The following NDST3 variants were observed in gnomAD, a reference collection of about 807,000 sequenced individuals.
NDST3 encodes the protein N-deacetylase and N-sulfotransferase 3.
NDST3 carries 58 observed loss-of-function variants against 96.1 expected under a neutral mutation model. That is an observed-to-expected ratio of 0.60 (90% CI 0.49 to 0.75). The LOEUF (loss-of-function observed/expected upper bound fraction) is 0.75. NDST3 is among the 30% of genes least tolerant of loss of function. The pLI is 0.00. For missense variants in NDST3, 788 were observed against 1,034.2 expected, an observed-to-expected ratio of 0.76 and a Z score of 3.27; for synonymous variants, 333 against 359.7, an observed-to-expected ratio of 0.93 and a Z score of 0.84.
At chr4:118,069,273 T>A (rs1726848464) in intron 2 of NDST3, among the ~76,000 whole-genome samples, 1 of 152,036 alleles carries the variant, frequency 6.6e-6, no homozygotes, top group South Asian at 2.1e-4. Context: ...ATACTTCAGG[T>A]TTAATTGAAT....
At chr4:118,145,454 A>G (rs1733871861) in intron 6 of NDST3, among the ~76,000 whole-genome samples, 1 of 152,240 alleles carries the variant, frequency 6.6e-6, no homozygotes, top group South Asian at 2.1e-4. Context: ...TTTAGTGTGG[A>G]AGAAATTCAA....
intron 6 of NDST3, among the ~76,000 whole-genome samples, chr4:118,212,799 A>C (rs1333657982): frequency 6.6e-6 from 1 of 152,210 alleles, no homozygotes; most frequent in African/African-American, 2.4e-5. Flanking sequence ...CTCAGAATAG[A>C]TCAAATAATT....
chr4:118,142,118 A>T (rs1376591451), intron 5 of NDST3, among the ~76,000 whole-genome samples: 2 of 152,068 alleles, frequency 1.3e-5, no homozygotes, highest in South Asian at 4.1e-4. Flanking sequence ...ATTTGCATTT[A>T]GTTGTTTTTT....
At chr4:118,150,519 T>A (rs1303755373) in intron 6 of NDST3, among the ~76,000 whole-genome samples, 16 of 151,060 alleles carry the variant, frequency 1.1e-4, no homozygotes, top group Admixed American at 1.1e-3. Flanking sequence ...GAATCTACAA[T>A]GAACTCAAAC....
rs185141045 is a variant in NDST3 at position 118,046,612 on chromosome 4, C to T, written c.-155-7144C>T. ...GTGCCTTGCTCCACCTGATTATGTTCCTCGTGGCTTGGGAGCACTTTGGAT... is the reference window on the plus strand; with the variant it reads ...GTGCCTTGCTCCACCTGATTATGTTTCTCGTGGCTTGGGAGCACTTTGGAT... On this transcript the variant is annotated intron_variant, in intron 1 of 13. Transcript: ENST00000296499. Among the ~76,000 whole-genome samples, 1,489 of 152,260 alleles carry T rather than the reference C, an allele frequency of 9.8e-3. 17 individuals carry two copies. Among genetic ancestry groups the T allele is most frequent in the Admixed American group, 0.012 (189 of 15,296 alleles).
intron 8 of NDST3, among the ~76,000 whole-genome samples, chr4:118,229,919 C>T (rs1173513921): frequency 6.6e-6 from 1 of 152,052 alleles, no homozygotes; most frequent in East Asian, 1.9e-4. Flanking sequence ...TGGAAAAATG[C>T]CTTTTAAATA....
At chr4:118,248,425 T>A (rs1052514698) in intron 12 of NDST3, among the ~76,000 whole-genome samples, 5 of 152,164 alleles carry the variant, frequency 3.3e-5, no homozygotes, top group Non-Finnish European at 7.4e-5. Flanking sequence ...CCCACAAGTC[T>A]TTTACAGTTA....
intron 6 of NDST3, among the ~76,000 whole-genome samples, chr4:118,160,525 T>C (rs1244510128): frequency 6.6e-6 from 1 of 152,062 alleles, no homozygotes; most frequent in Non-Finnish European, 1.5e-5. Flanking sequence ...ACAGACACTT[T>C]TCAAAAGAAG....
chr4:118,222,372 A>T (rs1025463687), intron 6 of NDST3, among the ~76,000 whole-genome samples: 8 of 151,950 alleles, frequency 5.3e-5, no homozygotes, highest in Non-Finnish European at 7.4e-5. Context: ...GCAATATTCC[A>T]TGTCTATAGA....
At chr4:118,133,512 T>C (rs1397274868) in intron 4 of NDST3, among the ~76,000 whole-genome samples, 3 of 152,174 alleles carry the variant, frequency 2.0e-5, no homozygotes, top group African/African-American at 7.2e-5. Context: ...TCATTAACTT[T>C]TATGAAGATA....
intron 2 of NDST3, among the ~76,000 whole-genome samples, chr4:118,083,470 C>T (rs1465409156): frequency 6.6e-6 from 1 of 152,040 alleles, no homozygotes; most frequent in Middle Eastern, 3.2e-3. Flanking sequence ...TTCATTTCTC[C>T]ATAAATGTTA....
intron 4 of NDST3, among the ~76,000 whole-genome samples, chr4:118,121,790 C>G (rs1282830575): frequency 6.6e-6 from 1 of 152,096 alleles, no homozygotes; most frequent in African/African-American, 2.4e-5. Context: ...GCTGCTTTTT[C>G]TTTAGAAGTT....
intron 6 of NDST3, among the ~76,000 whole-genome samples, chr4:118,192,937 C>A (rs1266851940): frequency 6.6e-6 from 1 of 152,028 alleles, no homozygotes; most frequent in East Asian, 1.9e-4. Flanking sequence ...AGGAAGGGAA[C>A]AGAGAAGAAA....
At chr4:118,104,874 G>T in intron 2 of NDST3, 144 bp from the exon 3 acceptor site, 1 of 589,108 alleles carries the variant, frequency 1.7e-6, no homozygotes, top group Non-Finnish European at 3.0e-6. Flanking sequence ...TAGTTTTAAA[G>T]TGATAAAGAA....
chr4:118,180,418 G>A (rs892025565), intron 6 of NDST3, among the ~76,000 whole-genome samples: 1 of 152,080 alleles, frequency 6.6e-6, no homozygotes, highest in African/African-American at 2.4e-5. Flanking sequence ...CATCTATGTT[G>A]CTGCAAAGGA....
intron 2 of NDST3, among the ~76,000 whole-genome samples, chr4:118,102,113 A>G (rs1029079037): frequency 6.6e-6 from 1 of 152,074 alleles, no homozygotes; most frequent in East Asian, 1.9e-4. Context: ...AAAACACATC[A>G]TAATACTTTA....
chr4:118,126,019 G>A (rs1027595587), intron 4 of NDST3, among the ~76,000 whole-genome samples: 8 of 151,854 alleles, frequency 5.3e-5, no homozygotes, highest in African/African-American at 9.7e-5. Context: ...CAGTGATTGC[G>A]GCTACTACAG....
chr4:118,236,141 G>T (rs1040088186), intron 9 of NDST3, among the ~76,000 whole-genome samples: 2 of 152,120 alleles, frequency 1.3e-5, no homozygotes, highest in Admixed American at 1.3e-4. Flanking sequence ...TGAATTGAAG[G>T]GGGTGGCAAT....
chr4:118,244,943 G>C (rs181757332), intron 12 of NDST3, among the ~76,000 whole-genome samples: 2 of 152,102 alleles, frequency 1.3e-5, no homozygotes, highest in Admixed American at 1.3e-4. Context: ...AGCAAAATAA[G>C]CTTTAAAAAT....
Sources: allele counts gnomAD v4.1 joint callset (sites outside exome capture counted in the v4.1 genomes callset), GRCh38; gene constraint gnomAD v4.1.1; transcripts MANE v1.5; gene names NCBI Gene and HGNC (gene_info 2026-07-23, HGNC 2026-07-21).